Variants in SLIT1 observed in about 807,000 individuals in gnomAD.
SLIT1 encodes slit guidance ligand 1, also known as slit homolog 1 protein.
SLIT1 carries 66 observed loss-of-function variants against 186.1 expected under a neutral mutation model. The observed-to-expected ratio is 0.35, with a 90% confidence interval of 0.29 to 0.44. SLIT1 has a LOEUF of 0.44. Among genes scored for constraint, SLIT1 ranks in the 20% least tolerant of loss-of-function variants. The pLI is 1.00. For missense variants in SLIT1, 1,638 were observed against 2,037.4 expected (o/e 0.80, Z 3.77); for synonymous variants, 761 against 833.8 (o/e 0.91, Z 1.50).
chr10:97,018,680 G>A lies in SLIT1; in HGVS notation c.2875C>T (p.Arg959Ter). 1 of 1,576,330 alleles carries A rather than the reference G, an allele frequency of 6.3e-7. No individual in the cohort carries two copies. The highest frequency in any genetic ancestry group is 8.6e-7 in the Non-Finnish European group (1 of 1,160,318). The change falls in exon 28 of 37, where the codon CGA becomes TGA. Residue 959 changes from arginine (R) to a stop codon, truncating the protein, a stop_gained. Coordinates refer to ENST00000266058, the MANE Select transcript of SLIT1 (RefSeq NM_003061.3). LOFTEE classifies it high-confidence loss of function. ...CTGTCCAGGGACACCTCACAGTCTCGACCCTGGGGGGAAAGTCAGTGATGG... is the reference window on the plus strand; with the variant it reads ...CTGTCCAGGGACACCTCACAGTCTCAACCCTGGGGGGAAAGTCAGTGATGG... ...RCACPSGYKG[R>*]DCEVSLDSCS...
intron 34 of SLIT1, 81 bp downstream of exon 34, chr10:97,003,987 A>C: frequency 7.9e-7 from 1 of 1,268,210 alleles, no homozygotes; most frequent in Non-Finnish European, 1.1e-6. Flanking sequence ...CATTTCCCAC[A>C]GTGCAGTCCC....
At chr10:97,099,455 G>C (rs545191889) in intron 4 of SLIT1, among the ~76,000 whole-genome samples, 9 of 152,252 alleles carry the variant, frequency 5.9e-5, no homozygotes, top group East Asian at 1.9e-4. Flanking sequence ...TCCAGGTTGG[G>C]GGGGTGGGGG....
chr10:97,168,610 C>T (rs993133503), intron 1 of SLIT1, among the ~76,000 whole-genome samples: 1 of 152,198 alleles, frequency 6.6e-6, no homozygotes, highest in African/African-American at 2.4e-5. Flanking sequence ...TATCAAGTTA[C>T]TGGACCACTC....
At chr10:97,129,632 T>C (rs992971818) in intron 4 of SLIT1, among the ~76,000 whole-genome samples, 2 of 152,074 alleles carry the variant, frequency 1.3e-5, no homozygotes, top group African/African-American at 4.8e-5. Flanking sequence ...TGCTCCGCCA[T>C]ACCTTCCCTC....
chr10:97,030,302 G>A (rs1848579601), intron 25 of SLIT1, among the ~76,000 whole-genome samples: 1 of 152,166 alleles, frequency 6.6e-6, no homozygotes, highest in East Asian at 1.9e-4. Context: ...AGCTTATCCT[G>A]CACTGTGTGA....
At chr10:97,025,958 C>T (rs1848541385) in intron 25 of SLIT1, among the ~76,000 whole-genome samples, 1 of 152,142 alleles carries the variant, frequency 6.6e-6, no homozygotes, top group African/African-American at 2.4e-5. Context: ...TAGCAGGCAC[C>T]AGTCAATGTC....
At chr10:97,148,255 CATT>C (rs1469774155) in intron 4 of SLIT1, among the ~76,000 whole-genome samples, 1 of 151,504 alleles carries the variant, frequency 6.6e-6, no homozygotes, top group Non-Finnish European at 1.5e-5. Context: ...CAGTAACTAT[CATT>C]ATAATAATTA....
At chr10:97,174,621 G>A (rs1850233070) in intron 1 of SLIT1, among the ~76,000 whole-genome samples, 1 of 152,238 alleles carries the variant, frequency 6.6e-6, no homozygotes, top group African/African-American at 2.4e-5. Context: ...GGCTCCTGGG[G>A]ACCCATCTTG....
intron 4 of SLIT1, among the ~76,000 whole-genome samples, chr10:97,141,349 C>T (rs1849755498): frequency 6.6e-6 from 1 of 152,222 alleles, no homozygotes; most frequent in Non-Finnish European, 1.5e-5. Flanking sequence ...GAAAATTACT[C>T]TCAGGGTTCC....
At chr10:97,050,747 G>A (rs1848779496) in intron 13 of SLIT1, among the ~76,000 whole-genome samples, 4 of 152,078 alleles carry the variant, frequency 2.6e-5, no homozygotes, top group South Asian at 4.1e-4. Context: ...TACCATCTTG[G>A]CAGAAAACTG....
chr10:97,127,190 G>T (rs1448659383), intron 4 of SLIT1, among the ~76,000 whole-genome samples: 1 of 151,988 alleles, frequency 6.6e-6, no homozygotes, highest in Non-Finnish European at 1.5e-5. Context: ...AGCTACTGAG[G>T]CAGGAGAATG....
At chr10:97,008,278 A>G (rs1452527195) in intron 31 of SLIT1, among the ~76,000 whole-genome samples, 1 of 152,262 alleles carries the variant, frequency 6.6e-6, no homozygotes, top group Admixed American at 6.5e-5. Context: ...ATACGTAAGA[A>G]TAAATTTTTT....
At chr10:97,067,538 G>A (rs1387045238) in intron 4 of SLIT1, among the ~76,000 whole-genome samples, 1 of 152,218 alleles carries the variant, frequency 6.6e-6, no homozygotes, top group Non-Finnish European at 1.5e-5. Context: ...CTTCTTCAAG[G>A]TAACCCAGCT....
chr10:97,150,012 A>G (rs1478614159), intron 4 of SLIT1, among the ~76,000 whole-genome samples: 1 of 152,180 alleles, frequency 6.6e-6, no homozygotes, highest in Non-Finnish European at 1.5e-5. Context: ...CCTTTTTACC[A>G]TTAATGCCAG....
chr10:97,011,304 C>A (rs1408164066), intron 30 of SLIT1, among the ~76,000 whole-genome samples, 174 bp from the exon 31 acceptor site: 1 of 152,080 alleles, frequency 6.6e-6, no homozygotes, highest in African/African-American at 2.4e-5. Context: ...CTAAAAGGGC[C>A]CCTAGCCCAT....
rs571454668 is a variant in SLIT1 at position 97,062,133 on chromosome 10, G to A, written c.793+1322C>T. On this transcript the variant is annotated intron_variant, in intron 8 of 36. Transcript: ENST00000266058. ...CCCATTCCAATTCCTAAAAACTGTG[G>A]CAGCTGCAATGATGCAGAGGCAGTC... 2.0e-5 allele frequency among the ~76,000 whole-genome samples: 3 copies of A among 152,310 alleles called. No homozygotes were observed. The East Asian group carries it at 5.8e-4, about 29-fold the overall frequency.
intron 14 of SLIT1, 88 bp from the exon 15 acceptor site, chr10:97,048,084 A>G: frequency 7.0e-7 from 1 of 1,437,374 alleles, no homozygotes; most frequent in Non-Finnish European, 9.8e-7. Flanking sequence ...GCTCAGCTGA[A>G]GGCACCCCAG....
intron 28 of SLIT1, among the ~76,000 whole-genome samples, chr10:97,017,805 C>G (rs983022334): frequency 6.6e-6 from 1 of 151,020 alleles, no homozygotes; most frequent in Non-Finnish European, 1.5e-5. Flanking sequence ...GCAGGCTCTT[C>G]GAGGGAGATT....
chr10:97,037,043 C>A (rs1334014209), intron 22 of SLIT1, among the ~76,000 whole-genome samples: 1 of 145,396 alleles, frequency 6.9e-6, no homozygotes, highest in Non-Finnish European at 1.5e-5. Flanking sequence ...CAAGAATAAC[C>A]CCCTTTGTGT....
Sources: gnomAD v4.1 joint callset for allele counts (sites outside exome capture counted in the v4.1 genomes callset) on GRCh38, gnomAD v4.1.1 for gene constraint, MANE v1.5 for transcripts, NCBI Gene and HGNC (gene_info 2026-07-23, HGNC 2026-07-21) for gene names.